Variants in CNTN5 observed in about 807,000 individuals in gnomAD.
The protein encoded by CNTN5 is contactin 5.
Under a neutral mutation model 129.1 loss-of-function variants are expected in CNTN5, and 77 were observed. That is an observed-to-expected ratio of 0.60 (90% CI 0.50 to 0.72). The LOEUF is 0.72. CNTN5 is among the 30% of genes least tolerant of loss of function. The probability of loss-of-function intolerance (pLI) is 0.00; values close to 1 mark genes in which losing one functional copy is unlikely to be tolerated. For synonymous variants in CNTN5, 509 were observed against 465.6 expected, an observed-to-expected ratio of 1.09 and a Z score of -1.20; for missense variants, 1,478 against 1,328.8, an observed-to-expected ratio of 1.11 and a Z score of -1.75.
intron 2 of CNTN5, among the ~76,000 whole-genome samples, chr11:99,537,451 G>A (rs1185060681): frequency 6.6e-6 from 1 of 152,046 alleles, no homozygotes; most frequent in Non-Finnish European, 1.5e-5. Flanking sequence ...TAGATTCACT[G>A]AAAAGGAATT....
At chr11:99,812,654 T>C (rs1159472234) in intron 3 of CNTN5, among the ~76,000 whole-genome samples, 1 of 152,134 alleles carries the variant, frequency 6.6e-6, no homozygotes, top group Non-Finnish European at 1.5e-5. Flanking sequence ...TATTACGATG[T>C]GGAATCTAGA....
intron 8 of CNTN5, among the ~76,000 whole-genome samples, chr11:99,997,894 A>G (rs1351709770): frequency 1.3e-5 from 2 of 152,190 alleles, no homozygotes; most frequent in Non-Finnish European, 2.9e-5. Flanking sequence ...AACAGAACCA[A>G]AGACAAAAAC....
At chr11:99,299,628 A>G (rs139892385) in intron 1 of CNTN5, among the ~76,000 whole-genome samples, 4 of 152,306 alleles carry the variant, frequency 2.6e-5, no homozygotes, top group East Asian at 3.9e-4. Flanking sequence ...GCTTCCACAT[A>G]TAAGTGAGAA....
intron 1 of CNTN5, among the ~76,000 whole-genome samples, chr11:99,031,786 T>A (rs1428946222): frequency 6.6e-6 from 1 of 151,984 alleles, no homozygotes; most frequent in Non-Finnish European, 1.5e-5. Flanking sequence ...ATTATTATAC[T>A]TTAAGTTTTA....
At chr11:99,467,498 T>C (rs933224689) in intron 2 of CNTN5, among the ~76,000 whole-genome samples, 1 of 152,198 alleles carries the variant, frequency 6.6e-6, no homozygotes, top group African/African-American at 2.4e-5. Flanking sequence ...CATGAATGTC[T>C]GATCCTTGTA....
chr11:100,342,152 G>GACACAC (rs3220443), intron 23 of CNTN5, among the ~76,000 whole-genome samples: 9,146 of 146,924 alleles, frequency 0.062, 287 homozygotes, highest in African/African-American at 0.065. Context: ...ATAGATCACA[G>GACACAC]ACACACACAC....
intron 13 of CNTN5, among the ~76,000 whole-genome samples, chr11:100,120,286 G>A (rs188977190): frequency 5.3e-5 from 8 of 152,050 alleles, no homozygotes; most frequent in Admixed American, 5.3e-4. Context: ...GCTCTCCGGG[G>A]AAGTTATCCA....
intron 2 of CNTN5, among the ~76,000 whole-genome samples, chr11:99,540,355 A>G (rs2135492757): frequency 6.6e-6 from 1 of 152,334 alleles, no homozygotes; most frequent in Admixed American, 6.5e-5. Flanking sequence ...AAATAAATTA[A>G]ATGTGATCAT....
chr11:99,748,671 A>C (rs1403220548), intron 3 of CNTN5, among the ~76,000 whole-genome samples: 3 of 152,146 alleles, frequency 2.0e-5, no homozygotes, highest in Admixed American at 2.0e-4. Context: ...CAGAGTCTGA[A>C]GGTCTGAGAA....
In CNTN5 at chr11:100,077,716, G is replaced by A. The variant is rs189402230; in HGVS notation, c.1580+3422G>A. Among the ~76,000 whole-genome samples the A allele has an allele frequency of 4.6e-5, 7 of 152,048 alleles. No individual in the cohort carries two copies. The East Asian group carries it at 9.7e-4, about 21-fold the overall frequency. The stretch of plus-strand genomic sequence containing the variant: ...TAAATAGTCAGGCATGGTGGTGTAC[G>A]CCTATAGTCCCAGCTACTCAAGAGG... On this transcript the variant is annotated intron_variant, in intron 13 of 24. Transcript: ENST00000524871.
chr11:100,109,136 T>G (rs1945557166), intron 13 of CNTN5, among the ~76,000 whole-genome samples: 1 of 152,142 alleles, frequency 6.6e-6, no homozygotes, highest in African/African-American at 2.4e-5. Flanking sequence ...CTTTTAAAGA[T>G]TCCCCAAATA....
intron 1 of CNTN5, among the ~76,000 whole-genome samples, chr11:99,275,018 T>C (rs1863358925): frequency 6.6e-6 from 1 of 151,504 alleles, no homozygotes; most frequent in African/African-American, 2.4e-5. Flanking sequence ...GTTTTATATA[T>C]TTCTGTATTT....
intron 13 of CNTN5, among the ~76,000 whole-genome samples, chr11:100,079,592 C>A (rs924174018): frequency 1.3e-5 from 2 of 152,018 alleles, no homozygotes; most frequent in South Asian, 4.2e-4. Context: ...TGCAAATAGA[C>A]AAATAGACAT....
intron 16 of CNTN5, among the ~76,000 whole-genome samples, chr11:100,238,626 T>A (rs1354239403): frequency 6.6e-6 from 1 of 152,078 alleles, no homozygotes; most frequent in African/African-American, 2.4e-5. Context: ...TTTAATTTTC[T>A]GGTTTACATA....
At chr11:99,101,784 T>G (rs891257838) in intron 1 of CNTN5, among the ~76,000 whole-genome samples, 2 of 152,284 alleles carry the variant, frequency 1.3e-5, no homozygotes, top group African/African-American at 4.8e-5. Flanking sequence ...CTGTGACTTT[T>G]CCAGGCACAT....
At chr11:99,166,141 C>T (rs544424015) in intron 1 of CNTN5, among the ~76,000 whole-genome samples, 20 of 152,204 alleles carry the variant, frequency 1.3e-4, no homozygotes, top group Non-Finnish European at 2.8e-4. Context: ...CGATGGCTCA[C>T]GCCTGTAATC....
chr11:99,109,400 G>A (rs1461168375), intron 1 of CNTN5, among the ~76,000 whole-genome samples: 1 of 152,012 alleles, frequency 6.6e-6, no homozygotes, highest in African/African-American at 2.4e-5. Flanking sequence ...GGTGCTTACA[G>A]TATATTTGTT....
At position 99,106,649 on chromosome 11, in the gene CNTN5, A is replaced by T. The variant is rs567495925; in HGVS notation, c.-210+85379A>T. Among the ~76,000 whole-genome samples, 8 of 152,220 alleles carry T rather than the reference A, an allele frequency of 5.3e-5. No homozygotes were observed. In the Middle Eastern group the frequency reaches 0.01, roughly 194 times the overall value. On this transcript the variant is annotated intron_variant, in intron 1 of 24. Transcript: ENST00000524871. ...CACATTCTTATCTGGATGAATTAAC[A>T]TATCTTAAACAGTTAGATTAAGCCT...
chr11:99,528,132 T>G (rs569620383), intron 2 of CNTN5, among the ~76,000 whole-genome samples: 4 of 152,272 alleles, frequency 2.6e-5, no homozygotes, highest in Admixed American at 6.5e-5. Flanking sequence ...TATCCTAACC[T>G]TGAAAGATCA....
Sources: gnomAD v4.1 joint callset for allele counts (sites outside exome capture counted in the v4.1 genomes callset) on GRCh38, gnomAD v4.1.1 for gene constraint, MANE v1.5 for transcripts, NCBI Gene and HGNC (gene_info 2026-07-23, HGNC 2026-07-21) for gene names.